TNNI3K: variants seen among roughly 807,000 people sequenced by gnomAD.
TNNI3K encodes the protein TNNI3 interacting kinase.
TNNI3K carries 140 observed loss-of-function variants against 114.5 expected under a neutral mutation model. That is an observed-to-expected ratio of 1.22 (90% CI 1.07 to 1.41). TNNI3K has a LOEUF of 1.41. Among genes scored for constraint, TNNI3K ranks in the 40% most tolerant of loss-of-function variants. The pLI, the probability that TNNI3K is intolerant of heterozygous loss-of-function variation, is 0.00. For synonymous variants in TNNI3K, 347 were observed against 347.5 expected (o/e 1.00, Z 0.02); for missense variants, 1,125 against 1,007.6 (o/e 1.12, Z -1.58).
intron 9 of TNNI3K, among the ~76,000 whole-genome samples, chr1:74,348,461 G>A (rs12568945): frequency 1.3e-5 from 2 of 152,146 alleles, no homozygotes; most frequent in Admixed American, 1.3e-4. Flanking sequence ...TTTTTGCTTA[G>A]GATTGACTTG....
chr1:74,269,900 C>T (rs1279453701), intron 4 of TNNI3K, among the ~76,000 whole-genome samples: 1 of 151,568 alleles, frequency 6.6e-6, no homozygotes, highest in Admixed American at 6.6e-5. Context: ...AGAAGACAGT[C>T]AGAAACAAAG....
At chr1:74,394,075 A>T (rs966758377) in intron 17 of TNNI3K, among the ~76,000 whole-genome samples, 1 of 152,234 alleles carries the variant, frequency 6.6e-6, no homozygotes, top group African/African-American at 2.4e-5. Context: ...GGTAAACCGT[A>T]TGAAACTGCC....
intron 4 of TNNI3K, among the ~76,000 whole-genome samples, chr1:74,260,855 T>A (rs1327803301): frequency 6.6e-6 from 1 of 152,078 alleles, no homozygotes; most frequent in Non-Finnish European, 1.5e-5. Context: ...CCCAAACACA[T>A]ATATGTGTTC....
At chr1:74,314,568 C>G (rs1659194997) in intron 5 of TNNI3K, among the ~76,000 whole-genome samples, 1 of 152,042 alleles carries the variant, frequency 6.6e-6, no homozygotes, top group Non-Finnish European at 1.5e-5. Context: ...TTCAAGACAG[C>G]AACAGCAGAA....
intron 17 of TNNI3K, among the ~76,000 whole-genome samples, chr1:74,394,599 A>T (rs1663974377): frequency 6.6e-6 from 1 of 152,154 alleles, no homozygotes; most frequent in African/African-American, 2.4e-5. Flanking sequence ...CTAAGATGAA[A>T]GTTTACTAGC....
At chr1:74,436,322 A>G (rs1166747504) in intron 18 of TNNI3K, 152 bp from the exon 19 acceptor site, 1 of 1,179,482 alleles carries the variant, frequency 8.5e-7, no homozygotes, top group African/African-American at 1.6e-5. Flanking sequence ...ATTTATTTCT[A>G]GTTTTTCTTC....
At chr1:74,280,209 C>T (rs928558133) in intron 5 of TNNI3K, among the ~76,000 whole-genome samples, 7 of 151,958 alleles carry the variant, frequency 4.6e-5, no homozygotes, top group African/African-American at 1.2e-4. Context: ...GGTGAAACCC[C>T]GTCTCTACTA....
chr1:74,254,604 C>T (rs1570376943), intron 4 of TNNI3K, among the ~76,000 whole-genome samples: 1 of 152,010 alleles, frequency 6.6e-6, no homozygotes, highest in East Asian at 1.9e-4. Flanking sequence ...AATAATGTAA[C>T]TCTCCCATCC....
intron 5 of TNNI3K, among the ~76,000 whole-genome samples, chr1:74,296,231 G>A (rs1017148574): frequency 2.0e-5 from 3 of 151,212 alleles, no homozygotes; most frequent in Admixed American, 2.0e-4. Context: ...AGCGGAGATC[G>A]CGCCACTGTG....
chr1:74,442,047 TC>T (rs1303003795), intron 20 of TNNI3K, among the ~76,000 whole-genome samples: 1 of 152,040 alleles, frequency 6.6e-6, no homozygotes, highest in Non-Finnish European at 1.5e-5. Flanking sequence ...CATAAAAACT[TC>T]CCCCTATTTT....
chr1:74,535,185 T>G (rs1646644762), intron 23 of TNNI3K, among the ~76,000 whole-genome samples: 1 of 152,100 alleles, frequency 6.6e-6, no homozygotes, highest in Non-Finnish European at 1.5e-5. Flanking sequence ...ATGAATGCCT[T>G]ATAAAGAATC....
chr1:74,537,007 A>T (rs992560290), intron 23 of TNNI3K, among the ~76,000 whole-genome samples: 2 of 152,104 alleles, frequency 1.3e-5, no homozygotes, highest in African/African-American at 4.8e-5. Flanking sequence ...GTTTTGTTTG[A>T]CCTGGCATGG....
At chr1:74,509,118 A>G (rs1334204036) in intron 23 of TNNI3K, among the ~76,000 whole-genome samples, 1 of 152,232 alleles carries the variant, frequency 6.6e-6, no homozygotes, top group Admixed American at 6.5e-5. Context: ...TCTTTGAGAT[A>G]GTAGAGCACT....
rs1411883458 is a variant in TNNI3K at position 74,449,063 on chromosome 1, G to A, written c.2011+9441G>A. ...GTACCAGTTCCTCCTTGTACCTCTG[G>A]TAGAATTTGGCTGTGAATCCATCTG... On this transcript the variant is annotated intron_variant, in intron 20 of 24. Coordinates refer to ENST00000326637, the MANE Select transcript of TNNI3K (RefSeq NM_015978.3). 5.2e-5 allele frequency among the ~76,000 whole-genome samples: 7 copies of A among 135,244 alleles called. No homozygotes were observed. In the East Asian group the frequency reaches 1.6e-3, roughly 30 times the overall value. The allele number at this position is 135,244 out of a possible 152,430, so 88.7% of individuals were successfully genotyped here.
At chr1:74,436,400 A>C (rs1032795984) in intron 18 of TNNI3K, 74 bp from the exon 19 acceptor site, 9 of 1,489,542 alleles carry the variant, frequency 6.0e-6, no homozygotes, top group Non-Finnish European at 7.1e-6. Context: ...TGAGGTTTCA[A>C]AATTTTAACT....
rs1654865515 is a variant in TNNI3K at position 74,250,604 on chromosome 1, G to C, written c.236-68G>C. 4 of 1,451,848 alleles carry C rather than the reference G, an allele frequency of 2.8e-6. No individual in the cohort carries two copies. In the East Asian group the frequency reaches 7.3e-5, roughly 26 times the overall value. The allele number at this position is 1,451,848 out of a possible 1,614,324, so 89.9% of individuals were successfully genotyped here. On this transcript the variant is annotated intron_variant, in intron 3 of 24. Coordinates refer to ENST00000326637, the MANE Select transcript of TNNI3K (RefSeq NM_015978.3). The stretch of plus-strand genomic sequence containing the variant: ...ACAGCTGTATGGCATTTATCATTAG[G>C]TCAAAAAGAGTCTCAAACTCACCCC...
chr1:74,325,401 A>G (rs1659842503), intron 5 of TNNI3K, among the ~76,000 whole-genome samples: 1 of 152,156 alleles, frequency 6.6e-6, no homozygotes, highest in African/African-American at 2.4e-5. Flanking sequence ...GAGGGTCACC[A>G]GGAGATTGTC....
chr1:74,253,068 C>T (rs1413619582), intron 4 of TNNI3K, among the ~76,000 whole-genome samples: 1 of 152,184 alleles, frequency 6.6e-6, no homozygotes, highest in Non-Finnish European at 1.5e-5. Flanking sequence ...GAGCTAGACA[C>T]AAAAGTTCTC....
intron 20 of TNNI3K, among the ~76,000 whole-genome samples, chr1:74,459,229 AATGC>A (rs1667348899): frequency 1.3e-5 from 2 of 152,238 alleles, no homozygotes; most frequent in Admixed American, 1.3e-4. Context: ...TAAGGGAAAT[AATGC>A]ATACCTTTTG....
Sources: gnomAD v4.1 joint callset for allele counts (sites outside exome capture counted in the v4.1 genomes callset) on GRCh38, gnomAD v4.1.1 for gene constraint, MANE v1.5 for transcripts, NCBI Gene and HGNC (gene_info 2026-07-23, HGNC 2026-07-21) for gene names.